HSD17B12: variants seen among roughly 807,000 people sequenced by gnomAD.
HSD17B12 encodes the protein hydroxysteroid 17-beta dehydrogenase 12, also known as very-long-chain 3-oxoacyl-CoA reductase.
In HSD17B12, 32 loss-of-function variants were observed where a neutral mutation model predicts 39.3. The ratio of observed to expected loss-of-function variants is 0.81; its 90% CI spans 0.61 to 1.09. HSD17B12 has a LOEUF of 1.09. Ranked by LOEUF, HSD17B12 falls within the 50% of genes least tolerant of loss-of-function variation. HSD17B12 has a pLI of 0.00. For synonymous variants in HSD17B12, 150 were observed against 146.7 expected (o/e 1.02, Z -0.16); for missense variants, 342 against 382.9 (o/e 0.89, Z 0.89).
intron 3 of HSD17B12, among the ~76,000 whole-genome samples, chr11:43,780,416 C>G (rs1283059279): frequency 6.6e-6 from 1 of 152,198 alleles, no homozygotes; most frequent in Admixed American, 6.5e-5. Context: ...GATCCACCCA[C>G]CTCAGCCTCC....
At chr11:43,788,671 G>A (rs867178156) in intron 3 of HSD17B12, among the ~76,000 whole-genome samples, 9 of 118,786 alleles carry the variant, frequency 7.6e-5, no homozygotes, top group South Asian at 3.0e-4. Context: ...CTCTGCCACC[G>A]TCATTTCCTT....
chr11:43,699,241 C>T (rs1949940442), intron 1 of HSD17B12, among the ~76,000 whole-genome samples: 2 of 152,062 alleles, frequency 1.3e-5, no homozygotes, highest in African/African-American at 4.8e-5. Flanking sequence ...CCTGTCATTT[C>T]TCACTCAATA....
chr11:43,679,788 G>C (rs992835369), upstream of HSD17B12, among the ~76,000 whole-genome samples: 1 of 152,010 alleles, frequency 6.6e-6, no homozygotes, highest in Non-Finnish European at 1.5e-5. Flanking sequence ...TATTTGCCTT[G>C]AACCCCAAAT....
chr11:43,577,000 T>A, the HSD17B12 span, among the ~76,000 whole-genome samples: 20 of 152,110 alleles, frequency 1.3e-4, no homozygotes, highest in Admixed American at 5.2e-4. Context: ...TCTGAGAGAT[T>A]AATGGAGACT....
the HSD17B12 span, among the ~76,000 whole-genome samples, chr11:43,629,125 A>G: frequency 1.3e-5 from 2 of 152,138 alleles, no homozygotes; most frequent in African/African-American, 2.4e-5. Flanking sequence ...ATTTTCTAGG[A>G]AACAGGGTGA....
chr11:43,771,201 G>A (rs1462017921), intron 3 of HSD17B12, among the ~76,000 whole-genome samples: 2 of 152,028 alleles, frequency 1.3e-5, no homozygotes, highest in Non-Finnish European at 2.9e-5. Flanking sequence ...TTGAGTTTTG[G>A]CTTCTTCAGC....
At chr11:43,846,823 G>T (rs977475009) in intron 9 of HSD17B12, among the ~76,000 whole-genome samples, 12 of 152,156 alleles carry the variant, frequency 7.9e-5, no homozygotes, top group African/African-American at 2.9e-4. Context: ...ACACACAAAA[G>T]ACAAATATTT....
At chr11:43,612,101 T>C in the HSD17B12 span, among the ~76,000 whole-genome samples, 1 of 152,220 alleles carries the variant, frequency 6.6e-6, no homozygotes, top group Non-Finnish European at 1.5e-5. Flanking sequence ...GCCTCCTTTC[T>C]GGCTGAAAAT....
chr11:43,702,725 A>G (rs61883791), intron 1 of HSD17B12, among the ~76,000 whole-genome samples: 3 of 152,130 alleles, frequency 2.0e-5, no homozygotes, highest in Non-Finnish European at 2.9e-5. Flanking sequence ...TCTGCGGCCA[A>G]TGGGCCACAT....
chr11:43,659,644 C>G, the HSD17B12 span, among the ~76,000 whole-genome samples: 1 of 152,034 alleles, frequency 6.6e-6, no homozygotes, highest in Non-Finnish European at 1.5e-5. Flanking sequence ...TTTTCCTTAT[C>G]AAAATACAGT....
At chr11:43,742,282 T>A (rs905317910) in intron 1 of HSD17B12, among the ~76,000 whole-genome samples, 1 of 151,404 alleles carries the variant, frequency 6.6e-6, no homozygotes, top group African/African-American at 2.4e-5. Flanking sequence ...GGACTATAGG[T>A]GTGTGCTACC....
intron 3 of HSD17B12, among the ~76,000 whole-genome samples, chr11:43,769,067 G>A (rs1435606003): frequency 6.6e-6 from 1 of 152,108 alleles, no homozygotes; most frequent in African/African-American, 2.4e-5. Flanking sequence ...AGCCTCCCAA[G>A]AAGCTAGGAT....
At chr11:43,713,760 C>G (rs971426988) in intron 1 of HSD17B12, among the ~76,000 whole-genome samples, 1 of 152,158 alleles carries the variant, frequency 6.6e-6, no homozygotes, top group African/African-American at 2.4e-5. Context: ...AAAAGTGTTC[C>G]TATTTCTCCA....
chr11:43,680,923 G>T lies in HSD17B12; in HGVS notation c.96G>T (p.Thr32=), dbSNP rs374710703. ...LALRISYSLF[T]ALRVWGVGNE... ...TGCGTATTTCGTACTCGCTCTTCAC[G>T]GCCCTCCGGGTCTGGGGAGTGGGGA... Residue 32 remains threonine (T), a synonymous_variant, in exon 1 of 11, where the codon ACG becomes ACT. Transcript: ENST00000278353. The T allele has an allele frequency of 1.9e-6, 3 of 1,613,458 alleles. No homozygotes were observed. Among genetic ancestry groups the T allele is most frequent in the Non-Finnish European group, 2.5e-6 (3 of 1,179,726 alleles).
Position 43,770,796 on chromosome 11 carries a change from G to A in HSD17B12, c.283+16675G>A, listed in dbSNP as rs535351008. ...TCCTTTAAGGCCTCTTAGCCTTGCAGGACATCTAAAGAGAAATTCTATATT... is the reference window on the plus strand; with the variant it reads ...TCCTTTAAGGCCTCTTAGCCTTGCAAGACATCTAAAGAGAAATTCTATATT... On this transcript the variant is annotated intron_variant, in intron 3 of 10. Transcript: ENST00000278353. 2.0e-5 allele frequency among the ~76,000 whole-genome samples: 3 copies of A among 152,270 alleles called. No individual in the cohort carries two copies. In the South Asian group the frequency reaches 6.2e-4, roughly 32 times the overall value.
the HSD17B12 span, among the ~76,000 whole-genome samples, chr11:43,630,797 T>C: frequency 6.7e-6 from 1 of 149,630 alleles, no homozygotes; most frequent in Admixed American, 6.7e-5. Context: ...TTAATAATTT[T>C]TTTCTTTCTT....
At chr11:43,801,003 G>A (rs1250087593) in intron 4 of HSD17B12, among the ~76,000 whole-genome samples, 1 of 152,028 alleles carries the variant, frequency 6.6e-6, no homozygotes, top group African/African-American at 2.4e-5. Context: ...GCTGGGCAGG[G>A]TGGCACACAC....
chr11:43,781,592 G>A (rs1018567146), intron 3 of HSD17B12, among the ~76,000 whole-genome samples: 2 of 152,132 alleles, frequency 1.3e-5, no homozygotes, highest in African/African-American at 4.8e-5. Context: ...TTATTTGAGT[G>A]TCATGGACCT....
At chr11:43,577,125 T>C in the HSD17B12 span, among the ~76,000 whole-genome samples, 2 of 152,210 alleles carry the variant, frequency 1.3e-5, no homozygotes, top group Non-Finnish European at 2.9e-5. Flanking sequence ...ACGGCGACCC[T>C]GGTTCGGGCT....
Sources: gnomAD v4.1 joint callset for allele counts (sites outside exome capture counted in the v4.1 genomes callset) on GRCh38, gnomAD v4.1.1 for gene constraint, MANE v1.5 for transcripts, NCBI Gene and HGNC (gene_info 2026-07-23, HGNC 2026-07-21) for gene names.